Variants in ABCG1 observed in about 807,000 individuals in gnomAD.
ABCG1 encodes the protein ATP-binding cassette sub-family G member 1.
ABCG1 carries 29 observed loss-of-function variants against 69.2 expected under a neutral mutation model. The observed-to-expected ratio is 0.42, with a 90% CI of 0.31 to 0.57. ABCG1 has a LOEUF of 0.57. Among genes scored for constraint, ABCG1 ranks in the 20% least tolerant of loss-of-function variants. The pLI is 0.15. For synonymous variants in ABCG1, 370 were observed against 374.8 expected, an observed-to-expected ratio of 0.99 and a Z score of 0.15; for missense variants, 718 against 898.1, an observed-to-expected ratio of 0.80 and a Z score of 2.56.
intron 2 of ABCG1, among the ~76,000 whole-genome samples, chr21:42,233,781 G>A (rs763924060): frequency 2.2e-4 from 34 of 152,250 alleles, no homozygotes; most frequent in Non-Finnish European, 3.4e-4. Flanking sequence ...GTGGGCAGGC[G>A]CCCCTGCTGG....
At chr21:42,204,222 C>T (rs1601327029) in intron 2 of ABCG1, among the ~76,000 whole-genome samples, 2 of 152,102 alleles carry the variant, frequency 1.3e-5, no homozygotes, top group Non-Finnish European at 2.9e-5. Context: ...CCTTTCCAAT[C>T]TGTCTGCCAT....
Position 42,291,324 on chromosome 21 carries a change from G to A in ABCG1, c.1494+132G>A, listed in dbSNP as rs954778989. On this transcript the variant is annotated intron_variant, in intron 12 of 14. Transcript: ENST00000398449. This position sits in a 1 kb window ranked among gnomAD's most constrained non-coding sequence, Gnocchi z 6.4. ...CTTCGGGAGCTCTGGTGGGAGCTGC[G>A]GGGAAGGGCCTGACTTCGGGAGCTG... 10 of 1,163,442 alleles carry A rather than the reference G, an allele frequency of 8.6e-6. No individual in the cohort carries two copies. The highest frequency in any genetic ancestry group is 4.6e-5 in the African/African-American group (3 of 65,492). The allele number at this position is 1,163,442 out of a possible 1,614,324, so 72.1% of individuals were successfully genotyped here. A position where few individuals can be genotyped will look rare whatever the true frequency, so the allele number is the denominator to read the frequency against.
upstream of ABCG1, among the ~76,000 whole-genome samples, chr21:42,218,037 C>A (rs2123486942): frequency 6.6e-6 from 1 of 152,240 alleles, no homozygotes; most frequent in Non-Finnish European, 1.5e-5. Context: ...AACCGTGTCT[C>A]CTTTCTCTCC....
intron 2 of ABCG1, among the ~76,000 whole-genome samples, chr21:42,238,337 G>A (rs909062037): frequency 1.3e-5 from 2 of 152,126 alleles, no homozygotes; most frequent in African/African-American, 4.8e-5. Flanking sequence ...TCAACACTCT[G>A]AGCTCTGTGC....
intron 1 of ABCG1, among the ~76,000 whole-genome samples, chr21:42,224,681 TTCTC>T (rs908698499): frequency 2.5e-4 from 38 of 152,326 alleles, no homozygotes; most frequent in African/African-American, 8.4e-4. Flanking sequence ...CTGTGAGATG[TTCTC>T]TCTCGATTTG....
At chr21:42,220,451 A>G (rs576528940) in intron 1 of ABCG1, among the ~76,000 whole-genome samples, 6 of 151,978 alleles carry the variant, frequency 3.9e-5, no homozygotes, top group Non-Finnish European at 8.8e-5. Flanking sequence ...GTTTCTGCGC[A>G]TGCTCCGCTG....
chr21:42,236,713 T>A (rs1023948787), intron 2 of ABCG1, among the ~76,000 whole-genome samples: 1 of 152,138 alleles, frequency 6.6e-6, no homozygotes, highest in Non-Finnish European at 1.5e-5. Flanking sequence ...CTAAACCCAC[T>A]AAGCCAACAG....
In ABCG1 at chr21:42,253,321, G is replaced by A. The variant is rs181847857; in HGVS notation, c.287-17749G>A. ...AGCAGACCAGAGATGAGCCGGCACC[G>A]CTGTGGGGGAAGGATCATCCCAGCC... On this transcript the variant is annotated intron_variant, in intron 2 of 14. Coordinates refer to ENST00000398449, the MANE Select transcript of ABCG1 (RefSeq NM_016818.3). Among the ~76,000 whole-genome samples the A allele has an allele frequency of 3.2e-3, 490 of 152,318 alleles. 1 individual carries two copies. Among genetic ancestry groups the A allele is most frequent in the Non-Finnish European group, 5.7e-3 (385 of 68,032 alleles).
intron 2 of ABCG1, among the ~76,000 whole-genome samples, chr21:42,258,840 A>G (rs1420443625): frequency 1.3e-5 from 2 of 152,138 alleles, no homozygotes; most frequent in Non-Finnish European, 2.9e-5. Context: ...TTTGTTCCCT[A>G]ATTAGGAGGG....
At chr21:42,247,896 G>A (rs999024171) in intron 2 of ABCG1, among the ~76,000 whole-genome samples, 1 of 152,170 alleles carries the variant, frequency 6.6e-6, no homozygotes, top group African/African-American at 2.4e-5. Flanking sequence ...GGGCCAGCAA[G>A]AGCCTGGAGA....
intron 2 of ABCG1, among the ~76,000 whole-genome samples, chr21:42,204,005 C>T (rs2067525250): frequency 6.6e-6 from 1 of 152,116 alleles, no homozygotes; most frequent in African/African-American, 2.4e-5. Context: ...TTTGTTTGAG[C>T]AGTTGTGAAT....
chr21:42,268,599 T>C (rs761162718), intron 2 of ABCG1, among the ~76,000 whole-genome samples: 1 of 152,086 alleles, frequency 6.6e-6, no homozygotes, highest in East Asian at 1.9e-4. Flanking sequence ...CATGTCTTTT[T>C]TTAAAAAAAA....
At chr21:42,228,035 A>G (rs2067844976) in intron 2 of ABCG1, among the ~76,000 whole-genome samples, 1 of 152,202 alleles carries the variant, frequency 6.6e-6, no homozygotes, top group South Asian at 2.1e-4. Context: ...GAGCCAAACC[A>G]CATCACCCAG....
At chr21:42,246,921 G>GA (rs775324955) in intron 2 of ABCG1, among the ~76,000 whole-genome samples, 272 of 150,794 alleles carry the variant, frequency 1.8e-3, no homozygotes, top group South Asian at 2.1e-3. Flanking sequence ...GTTTTTAAAA[G>GA]AAAAAAAAAT....
chr21:42,265,320 C>A (rs1443813330), intron 2 of ABCG1, among the ~76,000 whole-genome samples: 1 of 152,218 alleles, frequency 6.6e-6, no homozygotes. Context: ...GAAGTTCTAA[C>A]CCCTGCTCCC....
At chr21:42,213,129 T>G (rs2067605983), upstream of ABCG1, among the ~76,000 whole-genome samples, 1 of 152,226 alleles carries the variant, frequency 6.6e-6, no homozygotes, top group Admixed American at 6.5e-5. Flanking sequence ...GAGATTAGCA[T>G]GGACAGGCAG....
Position 42,287,601 on chromosome 21 carries a change from C to T in ABCG1, c.974-288C>T, listed in dbSNP as rs574977775. Among the ~76,000 whole-genome samples, 31 of 152,294 alleles carry T rather than the reference C, an allele frequency of 2.0e-4. No individual in the cohort carries two copies. In the East Asian group the frequency reaches 2.7e-3, roughly 13 times the overall value. On this transcript the variant is annotated intron_variant, in intron 8 of 14. Coordinates refer to ENST00000398449, the MANE Select transcript of ABCG1 (RefSeq NM_016818.3). This position sits in a 1 kb window ranked among gnomAD's most constrained non-coding sequence, Gnocchi z 6.2. ...CCCAGAGCAGGCATTCAGTAAGTAC[C>T]GGCTGGATGAGCAGTCGGTAGATGC...
chr21:42,234,947 G>C (rs996231224), intron 2 of ABCG1, among the ~76,000 whole-genome samples: 1 of 152,048 alleles, frequency 6.6e-6, no homozygotes, highest in Non-Finnish European at 1.5e-5. Context: ...CGCGGGGAGC[G>C]GCGCGATTGG....
At chr21:42,215,441 C>T (rs532572635), upstream of ABCG1, among the ~76,000 whole-genome samples, 1 of 152,364 alleles carries the variant, frequency 6.6e-6, no homozygotes, top group South Asian at 2.1e-4. Flanking sequence ...TAAGAGTTCT[C>T]TTCCCACAGA....
Sources: gnomAD v4.1 joint callset for allele counts (sites outside exome capture counted in the v4.1 genomes callset) on GRCh38, gnomAD v4.1.1 for gene constraint, Gnocchi (gnomAD v3.1) non-coding constraint, MANE v1.5 for transcripts, NCBI Gene and HGNC (gene_info 2026-07-23, HGNC 2026-07-21) for gene names.